Variants in SRGAP2C observed in about 807,000 individuals in gnomAD.
The protein encoded by SRGAP2C is SLIT-ROBO Rho GTPase activating protein 2C, also known as SLIT-ROBO Rho GTPase-activating protein 2C.
Under a neutral mutation model 25.1 loss-of-function variants are expected in SRGAP2C, and 15 were observed. The ratio of observed to expected loss-of-function variants is 0.60; its 90% CI spans 0.40 to 0.92. The LOEUF (loss-of-function observed/expected upper bound fraction) is 0.92, where lower values mean the gene tolerates loss of function less well. Among genes scored for constraint, SRGAP2C ranks in the 40% least tolerant of loss-of-function variants. The pLI is 0.00. For missense variants in SRGAP2C, 144 were observed against 264.4 expected (o/e 0.54, Z 3.16); for synonymous variants, 44 against 96.6 (o/e 0.46, Z 3.19).
intron 5 of SRGAP2C, among the ~76,000 whole-genome samples, chr1:121,371,399 GT>G (rs1659487419): frequency 1.5e-5 from 1 of 68,384 alleles, no homozygotes; most frequent in South Asian, 6.5e-4. Context: ...TTTTTCAATT[GT>G]TTTGGCATCA....
At chr1:121,287,851 C>T (rs1432116398) in intron 3 of SRGAP2C, among the ~76,000 whole-genome samples, 9 of 151,944 alleles carry the variant, frequency 5.9e-5, no homozygotes, top group Middle Eastern at 3.4e-3. Context: ...TGTTACAGCT[C>T]TTAAGGCAGC....
At chr1:121,321,886 CCT>C in intron 3 of SRGAP2C, among the ~76,000 whole-genome samples, 1 of 152,330 alleles carries the variant, frequency 6.6e-6, no homozygotes, top group East Asian at 1.9e-4. Flanking sequence ...TCCTCTGCTT[CCT>C]CTTTTGATCT....
At chr1:121,285,264 T>C (rs2101568550) in intron 3 of SRGAP2C, among the ~76,000 whole-genome samples, 1 of 151,160 alleles carries the variant, frequency 6.6e-6, no homozygotes, top group East Asian at 1.9e-4. Flanking sequence ...GGGCTTTACA[T>C]ATATGTTAGT....
Position 121,324,632 on chromosome 1 carries a change from T to G in SRGAP2C, c.415T>G (p.Phe139Val). 1.6e-6 allele frequency: 2 copies of G among 1,240,620 alleles called. No homozygotes were observed. The highest frequency in any genetic ancestry group is 2.3e-5 in the East Asian group (1 of 42,706). The allele number at this position is 1,240,620 out of a possible 1,614,324, so 76.9% of individuals were successfully genotyped here. The change falls in exon 4 of 10, where the codon TTT becomes GTT. Residue 139 changes from phenylalanine (F) to valine (V), a missense_variant. This residue lies in a region of SRGAP2C where 26 missense variants were observed against 67.3 expected (regional missense o/e 0.39). Transcript: ENST00000367123. ...AGTCAGCGAGGACTCAGGAAGACTC[T>G]TTAAAAAGGTACAGAGATATTTCTA... ...VQVSEDSGRL[F>V]KKSKEVGQQL...
At chr1:121,260,182 A>T (rs1352065635) in intron 2 of SRGAP2C, among the ~76,000 whole-genome samples, 4 of 148,360 alleles carry the variant, frequency 2.7e-5, no homozygotes, top group Non-Finnish European at 6.0e-5. Flanking sequence ...TTGCATTTTA[A>T]AATAAGGGGT....
chr1:121,294,784 G>C (rs2101579099), intron 3 of SRGAP2C, among the ~76,000 whole-genome samples: 1 of 142,110 alleles, frequency 7.0e-6, no homozygotes, highest in South Asian at 2.3e-4. Context: ...ATAACCCACT[G>C]TCAGTATCTT....
intron 3 of SRGAP2C, among the ~76,000 whole-genome samples, chr1:121,305,310 G>A (rs1384203776): frequency 7.8e-6 from 1 of 127,958 alleles, no homozygotes; most frequent in Non-Finnish European, 1.6e-5. Flanking sequence ...GGATAATGTT[G>A]ATCTGGCCTT....
chr1:121,324,438 G>C (rs1553341475), intron 3 of SRGAP2C, 40 bp from the exon 4 acceptor site: 6 of 1,603,240 alleles, frequency 3.7e-6, no homozygotes, highest in Middle Eastern at 1.7e-4. Context: ...CCCTGGCTGT[G>C]TATCAACAAT....
chr1:121,340,326 C>A (rs1365938878), intron 4 of SRGAP2C, among the ~76,000 whole-genome samples: 1 of 151,784 alleles, frequency 6.6e-6, no homozygotes, highest in Non-Finnish European at 1.5e-5. Context: ...CCTTTAAGTT[C>A]TCAGGAAAGG....
intron 3 of SRGAP2C, among the ~76,000 whole-genome samples, chr1:121,313,964 C>T (rs1231295757): frequency 2.1e-5 from 3 of 141,682 alleles, no homozygotes; most frequent in South Asian, 2.3e-4. Context: ...TGAATCTGAA[C>T]GTTGGCCTGC....
intron 2 of SRGAP2C, among the ~76,000 whole-genome samples, chr1:121,216,139 G>T (rs1393708369): frequency 6.6e-6 from 1 of 152,204 alleles, no homozygotes; most frequent in African/African-American, 2.4e-5. Context: ...CTGCATGGCT[G>T]ACTCCAGTAT....
At chr1:121,370,855 C>G (rs1366229877) in intron 5 of SRGAP2C, among the ~76,000 whole-genome samples, 1 of 149,998 alleles carries the variant, frequency 6.7e-6, no homozygotes, top group Non-Finnish European at 1.5e-5. Flanking sequence ...CTGGCTCACT[C>G]TAGTTTTGGT....
At chr1:121,211,256 C>T (rs1655245308) in intron 2 of SRGAP2C, among the ~76,000 whole-genome samples, 1 of 150,748 alleles carries the variant, frequency 6.6e-6, no homozygotes, top group African/African-American at 2.4e-5. Flanking sequence ...ACTCAAAGTG[C>T]TTCCAGTTTT....
rs1432081384 is a variant in SRGAP2C at position 121,300,276 on chromosome 1, G to C, written c.260+15281G>C. On this transcript the variant is annotated intron_variant, in intron 3 of 9. Transcript: ENST00000367123. ...GCTGTACAGGAGGCATGGTGCTGGT[G>C]TCTGCTTCTGGTGAGGCCTCAGGGA... Among the ~76,000 whole-genome samples the C allele has an allele frequency of 2.2e-4, 19 of 86,554 alleles. 8 individuals carry two copies. Among genetic ancestry groups the C allele is most frequent in the Non-Finnish European group, 4.7e-4 (19 of 40,356 alleles). 56.8% of individuals were successfully genotyped at this position (86,554 alleles called of 152,430 possible).
chr1:121,306,244 C>T, intron 3 of SRGAP2C, among the ~76,000 whole-genome samples: 1 of 136,718 alleles, frequency 7.3e-6, no homozygotes, highest in Non-Finnish European at 1.6e-5. Flanking sequence ...TGAGTAGACA[C>T]TCCCTGTAGA....
chr1:121,332,537 A>G (rs1211919654), intron 4 of SRGAP2C, among the ~76,000 whole-genome samples: 2 of 152,132 alleles, frequency 1.3e-5, no homozygotes, highest in Admixed American at 6.6e-5. Flanking sequence ...CTCAGTTAAT[A>G]CTTTTCTCCA....
intron 2 of SRGAP2C, among the ~76,000 whole-genome samples, chr1:121,236,500 A>G (rs1303398092): frequency 1.3e-4 from 20 of 151,878 alleles, no homozygotes; most frequent in African/African-American, 4.4e-4. Flanking sequence ...TCTAGTAAGC[A>G]AGGTTCCACC....
At chr1:121,264,934 C>G (rs587610414) in intron 2 of SRGAP2C, among the ~76,000 whole-genome samples, 1 of 119,862 alleles carries the variant, frequency 8.3e-6, no homozygotes, top group South Asian at 3.3e-4. Flanking sequence ...TGGTGGCTCA[C>G]GCCCATAATC....
intron 3 of SRGAP2C, among the ~76,000 whole-genome samples, chr1:121,308,474 T>C (rs1488879561): frequency 2.0e-5 from 3 of 150,930 alleles, no homozygotes; most frequent in Non-Finnish European, 4.4e-5. Context: ...GATAAATTAA[T>C]AGCAATAAAA....
Sources: gnomAD v4.1 joint callset for allele counts (sites outside exome capture counted in the v4.1 genomes callset) on GRCh38, gnomAD v4.1.1 for gene constraint, gnomAD v4.1.1 regional missense constraint, MANE v1.5 for transcripts, NCBI Gene and HGNC (gene_info 2026-07-23, HGNC 2026-07-21) for gene names.